AVEN: variants seen among roughly 807,000 people sequenced by gnomAD.
AVEN encodes the protein cell death regulator Aven.
A neutral mutation model predicts 38.1 loss-of-function variants in AVEN; 41 were observed. The observed-to-expected ratio is 1.08, with a 90% CI of 0.84 to 1.40. The LOEUF (loss-of-function observed/expected upper bound fraction) is 1.40, where lower values mean the gene tolerates loss of function less well. Among genes scored for constraint, AVEN ranks in the 40% most tolerant of loss-of-function variants. The pLI is 0.00. For synonymous variants in AVEN, 206 were observed against 171.8 expected, an observed-to-expected ratio of 1.20 and a Z score of -1.56; for missense variants, 605 against 438.8, an observed-to-expected ratio of 1.38 and a Z score of -3.38.
At chr15:34,030,362 T>C (rs1013186693) in intron 1 of AVEN, among the ~76,000 whole-genome samples, 10 of 152,186 alleles carry the variant, frequency 6.6e-5, no homozygotes, top group Admixed American at 1.3e-4. Flanking sequence ...TTTGTTTTGT[T>C]TGAGACGGAG....
At chr15:33,912,724 T>C (rs1032158448) in intron 2 of AVEN, among the ~76,000 whole-genome samples, 8 of 152,170 alleles carry the variant, frequency 5.3e-5, no homozygotes, top group African/African-American at 1.9e-4. Context: ...TGGTGACATA[T>C]GACACTCATG....
chr15:33,859,602 G>T, intron 11 of AVEN: 5 of 1,614,048 alleles, frequency 3.1e-6, no homozygotes, highest in Non-Finnish European at 3.4e-6. Context: ...GTACGTGGGA[G>T]TGAGAGCAGG....
At chr15:33,857,504 A>T (rs1196168595), downstream of AVEN, among the ~76,000 whole-genome samples, 1 of 152,142 alleles carries the variant, frequency 6.6e-6, no homozygotes, top group East Asian at 1.9e-4. Flanking sequence ...ACTGGAGGCC[A>T]GGACCTCAGC....
At chr15:33,974,059 GGT>G in intron 2 of AVEN, among the ~76,000 whole-genome samples, 1 of 152,206 alleles carries the variant, frequency 6.6e-6, no homozygotes, top group East Asian at 1.9e-4. Flanking sequence ...GATATTATGA[GGT>G]ATGCAAATAC....
chr15:33,903,208 A>C (rs79062038), intron 2 of AVEN, among the ~76,000 whole-genome samples: 2,519 of 152,338 alleles, frequency 0.017, 25 homozygotes, highest in South Asian at 0.049. Context: ...TGCAGAATCC[A>C]TTCTTAGTAT....
downstream of AVEN, chr15:33,865,262 C>T (rs767122446): frequency 5.5e-6 from 8 of 1,465,758 alleles, no homozygotes; most frequent in African/African-American, 1.4e-5. Context: ...TCTGGACAGT[C>T]AACTTCCCAT....
intron 2 of AVEN, among the ~76,000 whole-genome samples, chr15:33,933,253 G>A (rs76628778): frequency 0.016 from 2,465 of 152,168 alleles, 51 homozygotes; most frequent in African/African-American, 0.055. Flanking sequence ...TCAAAAGACA[G>A]CCCTTGTCTC....
chr15:33,931,649 G>A (rs931187271), intron 2 of AVEN, among the ~76,000 whole-genome samples: 9 of 152,256 alleles, frequency 5.9e-5, no homozygotes, highest in Admixed American at 3.9e-4. Context: ...GATTACAGGC[G>A]TGAGCCACCG....
chr15:34,073,207 A>ATTTTTTTTTTTTTTT (rs761265891), intron 1 of AVEN, among the ~76,000 whole-genome samples: 1 of 111,874 alleles, frequency 8.9e-6, no homozygotes, highest in Non-Finnish European at 1.7e-5. Context: ...CGCCCGGCTA[A>ATTTTTTTTTTTTTTT]TTTTTTTTTT....
chr15:33,993,243 G>A (rs752852763), intron 2 of AVEN, among the ~76,000 whole-genome samples: 78 of 152,166 alleles, frequency 5.1e-4, no homozygotes, highest in Admixed American at 1.2e-3. Context: ...CAAAGCTCTT[G>A]AAACGTAACT....
intron 5 of AVEN, among the ~76,000 whole-genome samples, chr15:34,058,577 C>CACACAT (rs1555521021): frequency 7.2e-5 from 11 of 151,774 alleles, no homozygotes; most frequent in African/African-American, 2.2e-4. Context: ...CACACACACA[C>CACACAT]ACACACACAC....
At chr15:34,000,495 C>A (rs1897096469) in intron 2 of AVEN, among the ~76,000 whole-genome samples, 5 of 152,150 alleles carry the variant, frequency 3.3e-5, no homozygotes, top group Admixed American at 2.0e-4. Flanking sequence ...AGCAATTTGG[C>A]AATATCTAGA....
rs182530693 is a variant in AVEN at position 33,912,496 on chromosome 15, T to C, written c.446-36501A>G. The stretch of plus-strand genomic sequence containing the variant: ...CTCATAAAGTTACTACCTATAATGT[T>C]AAGGACAATTCTTGGTCAAAGGGCA... On this transcript the variant is annotated intron_variant, in intron 2 of 5. Coordinates refer to ENST00000306730, the MANE Select transcript of AVEN (RefSeq NM_020371.3). 3.5e-4 allele frequency among the ~76,000 whole-genome samples: 53 copies of C among 152,336 alleles called. No individual in the cohort carries two copies. In the East Asian group the frequency reaches 9.1e-3, roughly 26 times the overall value.
At chr15:34,033,648 G>A (rs554713678) in intron 1 of AVEN, among the ~76,000 whole-genome samples, 1 of 152,136 alleles carries the variant, frequency 6.6e-6, no homozygotes, top group Non-Finnish European at 1.5e-5. Context: ...AGGAAGACAT[G>A]AAATGGTAAC....
chr15:33,912,920 G>C (rs183087737), intron 2 of AVEN, among the ~76,000 whole-genome samples: 1 of 145,954 alleles, frequency 6.9e-6, no homozygotes, highest in Non-Finnish European at 1.5e-5. Context: ...ACAGAGTTTC[G>C]CTCTTGTTGC....
rs1183070578 is a variant in AVEN at position 34,063,071 on chromosome 15, C to A, written n.1488G>T. 6.2e-7 allele frequency: 1 copy of A among 1,614,210 alleles called. No homozygotes were observed. On this transcript the variant is annotated non_coding_transcript_exon_variant, in exon 5 of 12. Coordinates refer to the AVEN transcript ENST00000675287. This position sits in a 1 kb window ranked among gnomAD's most constrained non-coding sequence, Gnocchi z 4.1. The stretch of plus-strand genomic sequence containing the variant: ...ACTACGTGGCCAGCAACGCTTCTGT[C>A]ATGAACCTTCTGGTGATCAGTTTTG...
Position 33,866,605 on chromosome 15 carries a change from T to TC in AVEN, c.*7dup. On this transcript the variant is annotated 3_prime_UTR_variant, in exon 6 of 6. Transcript: ENST00000306730. The stretch of plus-strand genomic sequence containing the variant: ...CAAGATTTGCTTCAGGCACTTTTTT[T>TC]CCCCTTTTTAGGAAATCATGCTGTC... The TC allele has an allele frequency of 1.2e-6, 2 of 1,609,688 alleles. No homozygotes were observed. The highest frequency in any genetic ancestry group is 4.5e-5 in the East Asian group (2 of 44,862).
In AVEN at chr15:34,063,904, G is replaced by A; in HGVS notation, n.1127-472C>T. ...GACGGGAACCAGGAGACCAACAATGGCTGTCACAAGGTGAAAATCATGCCC... is the reference window on the plus strand; with the variant it reads ...GACGGGAACCAGGAGACCAACAATGACTGTCACAAGGTGAAAATCATGCCC... On this transcript the variant is annotated intron_variant and non_coding_transcript_variant, in intron 4 of 11. Coordinates refer to the AVEN transcript ENST00000675287. The surrounding 1 kb of genome is among the most constrained non-coding windows in gnomAD (Gnocchi z 4.1). The A allele has an allele frequency of 6.2e-7, 1 of 1,614,182 alleles. No individual in the cohort carries two copies. Among genetic ancestry groups the A allele is most frequent in the Non-Finnish European group, 8.5e-7 (1 of 1,180,040 alleles).
intron 2 of AVEN, among the ~76,000 whole-genome samples, chr15:33,944,133 A>G (rs921200254): frequency 6.6e-6 from 1 of 152,208 alleles, no homozygotes; most frequent in African/African-American, 2.4e-5. Context: ...ACAGGAACCT[A>G]CTGAATAAAG....
Sources: allele counts gnomAD v4.1 joint callset (sites outside exome capture counted in the v4.1 genomes callset), GRCh38; gene constraint gnomAD v4.1.1; non-coding constraint Gnocchi (gnomAD v3.1); transcripts MANE v1.5; gene names NCBI Gene and HGNC (gene_info 2026-07-23, HGNC 2026-07-21).